The following FHIT variants were observed in gnomAD, a reference collection of about 807,000 sequenced individuals.
FHIT encodes the protein fragile histidine triad diadenosine triphosphatase, also known as bis(5'-adenosyl)-triphosphatase.
In FHIT, 19 loss-of-function variants were observed where a neutral mutation model predicts 17.9. The ratio of observed to expected loss-of-function variants is 1.06; its 90% CI spans 0.74 to 1.56. FHIT has a LOEUF of 1.56. FHIT is among the 40% of genes most tolerant of loss of function. FHIT has a pLI of 0.00. For synonymous variants in FHIT, 81 were observed against 69.7 expected (o/e 1.16, Z -0.81); for missense variants, 248 against 189.2 (o/e 1.31, Z -1.82).
intron 4 of FHIT, among the ~76,000 whole-genome samples, chr3:60,804,363 A>G (rs1238932294): frequency 1.3e-5 from 2 of 152,134 alleles, no homozygotes; most frequent in African/African-American, 4.8e-5. Flanking sequence ...ATCGACCCCC[A>G]GTACTTCCCC....
At chr3:59,800,040 C>G (rs1346883768) in intron 8 of FHIT, among the ~76,000 whole-genome samples, 1 of 152,212 alleles carries the variant, frequency 6.6e-6, no homozygotes, top group Non-Finnish European at 1.5e-5. Context: ...GAAAACCATT[C>G]AGGAATACAA....
At chr3:60,394,402 T>C (rs1701353055) in intron 5 of FHIT, among the ~76,000 whole-genome samples, 2 of 152,168 alleles carry the variant, frequency 1.3e-5, no homozygotes, top group Non-Finnish European at 2.9e-5. Context: ...CAAAAAACAG[T>C]ACCTACAAAT....
At chr3:60,519,541 TTTTG>T (rs1195446170) in intron 5 of FHIT, among the ~76,000 whole-genome samples, 4 of 152,116 alleles carry the variant, frequency 2.6e-5, no homozygotes, top group African/African-American at 7.2e-5. Context: ...TTAACAAATA[TTTTG>T]TTTATGTATT....
At chr3:60,493,627 C>T (rs2034160178) in intron 5 of FHIT, among the ~76,000 whole-genome samples, 1 of 152,038 alleles carries the variant, frequency 6.6e-6, no homozygotes, top group Non-Finnish European at 1.5e-5. Flanking sequence ...TTGCCATTTC[C>T]AAAATGACAT....
chr3:60,068,034 G>C (rs1011524123), intron 5 of FHIT, among the ~76,000 whole-genome samples: 2 of 152,068 alleles, frequency 1.3e-5, no homozygotes, highest in African/African-American at 4.8e-5. Context: ...CCAGGAGTTT[G>C]AGACCAGCCT....
At chr3:60,793,196 T>C (rs1553729103) in intron 4 of FHIT, among the ~76,000 whole-genome samples, 11 of 152,208 alleles carry the variant, frequency 7.2e-5, no homozygotes. Flanking sequence ...ATGACATTCA[T>C]GATTTCTTTT....
chr3:60,639,466 G>A (rs948156027), intron 4 of FHIT, among the ~76,000 whole-genome samples: 1 of 152,134 alleles, frequency 6.6e-6, no homozygotes, highest in Admixed American at 6.5e-5. Context: ...AGACAAAATT[G>A]CAATTTAGAA....
chr3:60,678,897 T>G (rs576123768), intron 4 of FHIT, among the ~76,000 whole-genome samples: 2 of 150,642 alleles, frequency 1.3e-5, no homozygotes, highest in South Asian at 4.2e-4. Context: ...AGTGGCATAA[T>G]AAATATCATC....
chr3:60,369,533 A>T (rs1407304936), intron 5 of FHIT, among the ~76,000 whole-genome samples: 1 of 152,054 alleles, frequency 6.6e-6, no homozygotes, highest in Non-Finnish European at 1.5e-5. Context: ...TCTTCCCTTA[A>T]CATATTGAGT....
intron 8 of FHIT, among the ~76,000 whole-genome samples, chr3:59,814,099 G>T (rs566592903): frequency 6.6e-6 from 1 of 150,744 alleles, no homozygotes; most frequent in South Asian, 2.1e-4. Flanking sequence ...ATTCAGGGAG[G>T]AGAAAGCCTG....
intron 3 of FHIT, among the ~76,000 whole-genome samples, chr3:60,956,397 C>T (rs1407545831): frequency 6.6e-6 from 1 of 152,158 alleles, no homozygotes; most frequent in Non-Finnish European, 1.5e-5. Flanking sequence ...TTGAAACATT[C>T]TCTCTCTCTT....
intron 4 of FHIT, among the ~76,000 whole-genome samples, chr3:60,778,437 G>A (rs922336758): frequency 1.3e-5 from 2 of 152,200 alleles, no homozygotes; most frequent in East Asian, 1.9e-4. Context: ...CTCAAAAGCT[G>A]AAATGCTCAT....
chr3:59,985,625 A>G (rs1708863013), intron 7 of FHIT, among the ~76,000 whole-genome samples: 1 of 152,174 alleles, frequency 6.6e-6, no homozygotes, highest in African/African-American at 2.4e-5. Flanking sequence ...TCACAAGTCC[A>G]GCTCCGCTTA....
At chr3:60,853,300 A>G (rs1553748956) in intron 3 of FHIT, among the ~76,000 whole-genome samples, 4 of 152,152 alleles carry the variant, frequency 2.6e-5, no homozygotes, top group African/African-American at 9.7e-5. Flanking sequence ...TTGAACAGGT[A>G]TATATTTTGA....
chr3:60,374,533 G>C (rs1700464711), intron 5 of FHIT, among the ~76,000 whole-genome samples: 1 of 151,062 alleles, frequency 6.6e-6, no homozygotes, highest in Admixed American at 6.6e-5. Context: ...GGCATGACTA[G>C]TAGGATCTTC....
At chr3:61,167,660 A>G (rs1193831744) in intron 2 of FHIT, among the ~76,000 whole-genome samples, 4 of 151,224 alleles carry the variant, frequency 2.6e-5, no homozygotes, top group African/African-American at 9.7e-5. Flanking sequence ...AGAAAAGAAA[A>G]GAGAAAAGAG....
chr3:60,227,993 T>C (rs2107546684), intron 5 of FHIT, among the ~76,000 whole-genome samples: 1 of 152,272 alleles, frequency 6.6e-6, no homozygotes, highest in East Asian at 1.9e-4. Flanking sequence ...GGGAGACCTA[T>C]TAGGTTTCCT....
chr3:60,958,519 G>A (rs1463149805), intron 3 of FHIT, among the ~76,000 whole-genome samples: 1 of 152,188 alleles, frequency 6.6e-6, no homozygotes, highest in Non-Finnish European at 1.5e-5. Context: ...ACACTGGTAT[G>A]TTTTATCATT....
chr3:60,043,260 G>A (rs1701517322), intron 5 of FHIT, among the ~76,000 whole-genome samples: 2 of 152,188 alleles, frequency 1.3e-5, no homozygotes, highest in African/African-American at 4.8e-5. Context: ...CCAATTCTTT[G>A]GGACATTAAA....
Sources: gnomAD v4.1 joint callset for allele counts (sites outside exome capture counted in the v4.1 genomes callset) on GRCh38, gnomAD v4.1.1 for gene constraint, MANE v1.5 for transcripts, NCBI Gene and HGNC (gene_info 2026-07-23, HGNC 2026-07-21) for gene names.